The following PPM1H variants were observed in gnomAD, a reference collection of about 807,000 sequenced individuals.
PPM1H encodes the protein protein phosphatase 1H.
In PPM1H, 27 loss-of-function variants were observed where a neutral mutation model predicts 54.9. The observed-to-expected ratio is 0.49, with a 90% confidence interval of 0.36 to 0.68. PPM1H has a LOEUF of 0.68. Ranked by LOEUF, PPM1H falls within the 30% of genes least tolerant of loss-of-function variation. The pLI is 0.00. For synonymous variants in PPM1H, 305 were observed against 270.8 expected, an observed-to-expected ratio of 1.13 and a Z score of -1.24; for missense variants, 596 against 667.8, an observed-to-expected ratio of 0.89 and a Z score of 1.19.
chr12:62,825,958 T>A (rs1042192449), intron 2 of PPM1H, among the ~76,000 whole-genome samples: 8 of 146,078 alleles, frequency 5.5e-5, no homozygotes, highest in African/African-American at 2.0e-4. Flanking sequence ...GGAAATGACA[T>A]TCCTTCAGTA....
chr12:62,704,270 C>A (rs1366286011), intron 6 of PPM1H, among the ~76,000 whole-genome samples: 1 of 152,082 alleles, frequency 6.6e-6, no homozygotes, highest in Non-Finnish European at 1.5e-5. Flanking sequence ...TGCGAAACAC[C>A]CTCTATCCAG....
At chr12:62,848,411 T>G (rs1869054212) in intron 1 of PPM1H, among the ~76,000 whole-genome samples, 1 of 152,204 alleles carries the variant, frequency 6.6e-6, no homozygotes, top group African/African-American at 2.4e-5. Flanking sequence ...AACACAATAC[T>G]AAATGACTAC....
intron 4 of PPM1H, among the ~76,000 whole-genome samples, chr12:62,754,680 C>T (rs1331280561): frequency 6.6e-6 from 1 of 152,150 alleles, no homozygotes; most frequent in Non-Finnish European, 1.5e-5. Context: ...CACCTCATTC[C>T]CAATGCTTCT....
At chr12:62,889,527 T>C (rs1287807931) in intron 1 of PPM1H, among the ~76,000 whole-genome samples, 1 of 151,980 alleles carries the variant, frequency 6.6e-6, no homozygotes, top group African/African-American at 2.4e-5. Context: ...AAAAATATAA[T>C]GTAAAGTTAC....
intron 6 of PPM1H, among the ~76,000 whole-genome samples, chr12:62,713,462 G>A (rs1008283951): frequency 6.6e-6 from 1 of 152,066 alleles, no homozygotes; most frequent in Non-Finnish European, 1.5e-5. Context: ...CTTTAGTCTG[G>A]CCAGCTGGAT....
At chr12:62,809,080 CAG>C (rs2076821484) in intron 2 of PPM1H, among the ~76,000 whole-genome samples, 1 of 152,130 alleles carries the variant, frequency 6.6e-6, no homozygotes, top group Admixed American at 6.5e-5. Flanking sequence ...TTTTCTGAGA[CAG>C]AGTCTGTCAC....
chr12:62,809,207 C>T (rs1446861324), intron 2 of PPM1H, among the ~76,000 whole-genome samples: 2 of 152,140 alleles, frequency 1.3e-5, no homozygotes, highest in South Asian at 2.1e-4. Context: ...TACACCACCA[C>T]ACCAGGCTAA....
chr12:62,844,366 G>A lies in PPM1H; in HGVS notation c.246-12087C>T, dbSNP rs1344321832. Among the ~76,000 whole-genome samples the A allele has an allele frequency of 3.9e-5, 6 of 152,158 alleles. No individual in the cohort carries two copies. The highest frequency in any genetic ancestry group is 7.3e-5 in the Non-Finnish European group (5 of 68,032). The stretch of plus-strand genomic sequence containing the variant: ...TTCCTGAGGAGAAATAATGTTCTGA[G>A]GGGCAAGGGGGGCGTCTTATCTCTG... On this transcript the variant is annotated intron_variant, in intron 1 of 9. Coordinates refer to ENST00000228705, the MANE Select transcript of PPM1H (RefSeq NM_020700.2). The surrounding 1 kb of genome is among the most constrained non-coding windows in gnomAD (Gnocchi z 5.2).
chr12:62,743,659 G>A (rs893414457), intron 4 of PPM1H, among the ~76,000 whole-genome samples: 1 of 151,688 alleles, frequency 6.6e-6, no homozygotes, highest in Non-Finnish European at 1.5e-5. Flanking sequence ...TCAACTCAGT[G>A]TGATGTTCTC....
At chr12:62,870,440 G>A (rs978113582) in intron 1 of PPM1H, among the ~76,000 whole-genome samples, 3 of 152,124 alleles carry the variant, frequency 2.0e-5, no homozygotes, top group Non-Finnish European at 2.9e-5. Context: ...TCAATGAAGA[G>A]GTCATTTCAG....
At chr12:62,734,814 G>A (rs933280262) in intron 5 of PPM1H, among the ~76,000 whole-genome samples, 2 of 152,168 alleles carry the variant, frequency 1.3e-5, no homozygotes, top group African/African-American at 4.8e-5. Flanking sequence ...AGGCTGAGGT[G>A]AGAGGATTGC....
intron 4 of PPM1H, among the ~76,000 whole-genome samples, chr12:62,770,501 T>C (rs2076572402): frequency 6.6e-6 from 1 of 152,180 alleles, no homozygotes; most frequent in Non-Finnish European, 1.5e-5. Context: ...TGGGCCTCTG[T>C]TGTAAGGTCT....
At chr12:62,753,365 C>A (rs1311986577) in intron 4 of PPM1H, among the ~76,000 whole-genome samples, 2 of 152,210 alleles carry the variant, frequency 1.3e-5, no homozygotes, top group Admixed American at 1.3e-4. Flanking sequence ...AGGAAACACT[C>A]TTCTTTGTCA....
chr12:62,779,099 G>A (rs1050877404), intron 4 of PPM1H, among the ~76,000 whole-genome samples: 4 of 152,104 alleles, frequency 2.6e-5, no homozygotes, highest in South Asian at 2.1e-4. Flanking sequence ...GTGCAGTGGC[G>A]TGATCTCTGC....
At chr12:62,650,939 T>C (rs374228716) in intron 9 of PPM1H, among the ~76,000 whole-genome samples, 51 of 152,164 alleles carry the variant, frequency 3.4e-4, no homozygotes, top group African/African-American at 1.2e-3. Flanking sequence ...CTCTTAGTTT[T>C]ATATTAAATT....
intron 5 of PPM1H, among the ~76,000 whole-genome samples, chr12:62,728,415 C>T (rs767812541): frequency 3.9e-5 from 6 of 152,156 alleles, no homozygotes; most frequent in Non-Finnish European, 5.9e-5. Context: ...TTTCTATGGC[C>T]ACTCTCCTCT....
intron 2 of PPM1H, among the ~76,000 whole-genome samples, chr12:62,823,951 A>G (rs556202406): frequency 3.3e-5 from 5 of 152,334 alleles, no homozygotes; most frequent in African/African-American, 1.2e-4. Context: ...GAAATGAGGA[A>G]GTCAAATTGT....
chr12:62,697,137 T>A (rs1054028681), intron 6 of PPM1H, among the ~76,000 whole-genome samples: 1 of 151,844 alleles, frequency 6.6e-6, no homozygotes, highest in Admixed American at 6.6e-5. Flanking sequence ...TGTGTTCTTT[T>A]TTTTTTTGAG....
intron 1 of PPM1H, among the ~76,000 whole-genome samples, chr12:62,882,911 A>C (rs150755658): frequency 7.1e-5 from 10 of 141,516 alleles, no homozygotes; most frequent in African/African-American, 1.9e-4. Context: ...GCCACCCTCC[A>C]CCCCCACCGC....
Sources: allele counts gnomAD v4.1 joint callset (sites outside exome capture counted in the v4.1 genomes callset), GRCh38; gene constraint gnomAD v4.1.1; non-coding constraint Gnocchi (gnomAD v3.1); transcripts MANE v1.5; gene names NCBI Gene and HGNC (gene_info 2026-07-23, HGNC 2026-07-21).